Variants in ULK4 observed in about 807,000 individuals in gnomAD.
ULK4 encodes the protein inactive serine/threonine-protein kinase ULK4.
A neutral mutation model predicts 160.6 loss-of-function variants in ULK4; 133 were observed. The observed-to-expected ratio is 0.83, with a 90% CI of 0.72 to 0.96. The LOEUF (loss-of-function observed/expected upper bound fraction) is 0.96, where lower values mean the gene tolerates loss of function less well. ULK4 is among the 40% of genes least tolerant of loss of function. The pLI is 0.00. For missense variants in ULK4, 1,580 were observed against 1,499.5 expected, an observed-to-expected ratio of 1.05 and a Z score of -0.89; for synonymous variants, 534 against 539.8, an observed-to-expected ratio of 0.99 and a Z score of 0.15.
intron 35 of ULK4, among the ~76,000 whole-genome samples, chr3:41,317,346 G>A (rs149083840): frequency 0.022 from 3,318 of 151,822 alleles, 81 homozygotes; most frequent in African/African-American, 0.068. Flanking sequence ...AAGTGCTGGG[G>A]TTACAGGCGT....
At chr3:41,831,531 A>ATATATATATATT in intron 18 of ULK4, among the ~76,000 whole-genome samples, 2 of 138,124 alleles carry the variant, frequency 1.4e-5, no homozygotes, top group East Asian at 4.2e-4. Flanking sequence ...ATATATATAT[A>ATATATATATATT]TTTTTTTTTC....
chr3:41,875,509 C>T (rs1277855677), intron 17 of ULK4, among the ~76,000 whole-genome samples: 1 of 152,112 alleles, frequency 6.6e-6, no homozygotes, highest in East Asian at 1.9e-4. Flanking sequence ...GCATGCACCT[C>T]TAGTACTAGC....
intron 34 of ULK4, among the ~76,000 whole-genome samples, chr3:41,436,200 G>A (rs1192845903): frequency 1.3e-5 from 2 of 152,056 alleles, no homozygotes; most frequent in South Asian, 2.1e-4. Flanking sequence ...ACCAACTAAT[G>A]GCTAATGTAA....
chr3:41,715,353 T>TA (rs543119516), intron 24 of ULK4, 60 bp from the exon 25 acceptor site: 21,511 of 1,063,382 alleles, frequency 0.02, 1 homozygote, highest in South Asian at 0.028. Context: ...GTTAGCTCAA[T>TA]AAAAAAAAAA....
chr3:41,423,883 T>TCC (rs2082717660), intron 34 of ULK4, among the ~76,000 whole-genome samples: 1 of 151,964 alleles, frequency 6.6e-6, no homozygotes, highest in African/African-American at 2.4e-5. Flanking sequence ...GATCAAGAGA[T>TCC]CCCCCTCATG....
intron 18 of ULK4, among the ~76,000 whole-genome samples, chr3:41,827,694 A>T (rs1204173783): frequency 6.6e-6 from 1 of 152,206 alleles, no homozygotes; most frequent in African/African-American, 2.4e-5. Flanking sequence ...GACTAGATGG[A>T]TTCACAGCCA....
chr3:41,954,487 G>C, intron 2 of ULK4, 135 bp downstream of exon 2: 1 of 945,182 alleles, frequency 1.1e-6, no homozygotes, highest in Non-Finnish European at 1.6e-6. Context: ...GCACTGAACA[G>C]ATGAAGGTCA....
At chr3:41,291,757 C>T (rs2079570465) in intron 35 of ULK4, among the ~76,000 whole-genome samples, 1 of 151,806 alleles carries the variant, frequency 6.6e-6, no homozygotes, top group South Asian at 2.1e-4. Context: ...TGCTGTTTGT[C>T]AGCCTGGGTG....
chr3:41,915,252 A>G (rs1210007343), intron 8 of ULK4: 2 of 152,222 alleles, frequency 1.3e-5, no homozygotes, highest in African/African-American at 2.4e-5. Context: ...CAGCTTATAC[A>G]AAAATCAGCA....
intron 35 of ULK4, among the ~76,000 whole-genome samples, chr3:41,382,370 C>T (rs2081676269): frequency 6.6e-6 from 1 of 152,070 alleles, no homozygotes; most frequent in Admixed American, 6.5e-5. Context: ...CTGTGTGGTA[C>T]TGAAAAATGC....
In ULK4 at chr3:41,620,033, C is replaced by T. The variant is rs145832018; in HGVS notation, c.3072-4316G>A. On this transcript the variant is annotated intron_variant, in intron 30 of 36. Transcript: ENST00000301831. ...TCTAGAAGAAATGGATAAATTCCTG[C>T]GCACATACACCCTCCCAAGACTAAA... is the stretch of plus-strand genomic sequence containing the variant. Among the ~76,000 whole-genome samples the T allele has an allele frequency of 3.4e-3, 512 of 151,986 alleles. 2 individuals are homozygous for T. The highest frequency in any genetic ancestry group is 0.012 in the African/African-American group (487 of 41,490).
At chr3:41,295,839 C>T (rs980625877) in intron 35 of ULK4, among the ~76,000 whole-genome samples, 9 of 152,306 alleles carry the variant, frequency 5.9e-5, no homozygotes, top group East Asian at 5.8e-4. Context: ...GAATGCAAAA[C>T]GGTCCATCCA....
intron 2 of ULK4, among the ~76,000 whole-genome samples, chr3:41,944,837 A>T (rs1052445084): frequency 6.6e-6 from 1 of 152,130 alleles, no homozygotes; most frequent in Admixed American, 6.5e-5. Flanking sequence ...TCCATTGCCA[A>T]ATCCTCAGTC....
chr3:41,938,254 C>T, intron 2 of ULK4, 57 bp from the exon 3 acceptor site: 2 of 1,341,316 alleles, frequency 1.5e-6, no homozygotes, highest in Non-Finnish European at 2.1e-6. Flanking sequence ...CTTACATCTA[C>T]TGAGAAAAAC....
intron 34 of ULK4, among the ~76,000 whole-genome samples, chr3:41,433,805 C>T (rs372291594): frequency 2.4e-4 from 36 of 152,268 alleles, no homozygotes; most frequent in Non-Finnish European, 4.3e-4. Flanking sequence ...CTGCAACCTC[C>T]GCCTTCCGGG....
rs1553654814 is a variant in ULK4 at position 41,794,686 on chromosome 3, A to AAAAAAAAAAC, written c.2011-4844_2011-4843insGTTTTTTTTT. On this transcript the variant is annotated intron_variant, in intron 20 of 36. Coordinates refer to ENST00000301831, the MANE Select transcript of ULK4 (RefSeq NM_017886.4). ...AAAAAAAAAAAAAAAAAAAAAAAAA[A>AAAAAAAAAAC]CACAGAAAAAAAAACCACAAACCTG... Among the ~76,000 whole-genome samples, 254 of 112,406 alleles carry AAAAAAAAAAC rather than the reference A, an allele frequency of 2.3e-3. 8 individuals are homozygous for AAAAAAAAAAC. The highest frequency in any genetic ancestry group is 1.0e-2 in the African/African-American group (241 of 24,146). 73.7% of individuals were successfully genotyped at this position (112,406 alleles called of 152,430 possible).
intron 17 of ULK4, among the ~76,000 whole-genome samples, chr3:41,866,353 G>C (rs912148476): frequency 3.3e-5 from 5 of 152,170 alleles, no homozygotes. Flanking sequence ...CAACCTTTTT[G>C]GAACTGGAGA....
intron 21 of ULK4, chr3:41,767,001 GCTAA>G (rs1326920700): frequency 6.6e-6 from 1 of 152,126 alleles, no homozygotes; most frequent in Non-Finnish European, 1.5e-5. Flanking sequence ...AGTGTGCTTG[GCTAA>G]CTGTGAAATA....
In ULK4 at chr3:41,761,065, C is replaced by T. The variant is rs141832548; in HGVS notation, c.2194-6577G>A. 3.9e-5 allele frequency among the ~76,000 whole-genome samples: 6 copies of T among 152,206 alleles called. No homozygotes were observed. In the East Asian group the frequency reaches 1.2e-3, roughly 29 times the overall value. On this transcript the variant is annotated intron_variant, in intron 21 of 36. Transcript: ENST00000301831. ...GATAAAACTATAGGGGCAGGGAAGA[C>T]ATCCATGATTGCCAGGGACTGGGAT... is the stretch of plus-strand genomic sequence containing the variant.
Sources: allele counts gnomAD v4.1 joint callset (sites outside exome capture counted in the v4.1 genomes callset), GRCh38; gene constraint gnomAD v4.1.1; transcripts MANE v1.5; gene names NCBI Gene and HGNC (gene_info 2026-07-23, HGNC 2026-07-21).